The following FANK1 variants were observed in gnomAD, a reference collection of about 807,000 sequenced individuals.
The protein encoded by FANK1 is fibronectin type 3 and ankyrin repeat domains protein 1.
A neutral mutation model predicts 45.3 loss-of-function variants in FANK1; 44 were observed. The observed-to-expected ratio is 0.97, with a 90% CI of 0.76 to 1.25. The LOEUF is 1.25. Ranked by LOEUF, FANK1 falls within the 50% of genes most tolerant of loss-of-function variation. The pLI, the probability that FANK1 is intolerant of heterozygous loss-of-function variation, is 0.00. For synonymous variants in FANK1, 149 were observed against 152.5 expected, an observed-to-expected ratio of 0.98 and a Z score of 0.17; for missense variants, 391 against 424.4, an observed-to-expected ratio of 0.92 and a Z score of 0.69.
At chr10:125,951,331 C>A (rs1182168278) in intron 1 of FANK1, among the ~76,000 whole-genome samples, 1 of 151,552 alleles carries the variant, frequency 6.6e-6, no homozygotes, top group Non-Finnish European at 1.5e-5. Context: ...TTTTATAATA[C>A]CTGTTTAGGA....
At chr10:125,932,765 G>T (rs11244706) in intron 1 of FANK1, among the ~76,000 whole-genome samples, 19,480 of 152,140 alleles carry the variant, frequency 0.13, 1,802 homozygotes, top group Admixed American at 0.31. Context: ...GTGAAATTGG[G>T]CATCCTTGTC....
chr10:125,969,757 G>C (rs1295965188), intron 1 of FANK1, among the ~76,000 whole-genome samples: 2 of 152,126 alleles, frequency 1.3e-5, no homozygotes, highest in Admixed American at 6.5e-5. Flanking sequence ...GGTTTTCCTA[G>C]GCAGAGGACC....
chr10:126,004,660 G>A lies in FANK1; in HGVS notation c.540-224G>A, dbSNP rs187322870. ...CTGGCATCTTTCAGCACAGTGTTTC[G>A]AGGTTCATGCATGTTTGTAGCACTT... On this transcript the variant is annotated intron_variant, in intron 6 of 10. Transcript: ENST00000368693. 786 of 487,710 alleles carry A rather than the reference G, an allele frequency of 1.6e-3. 1 individual carries two copies. Among genetic ancestry groups the A allele is most frequent in the Non-Finnish European group, 2.4e-3 (654 of 269,118 alleles). The allele number at this position is 487,710 out of a possible 1,614,324, so 30.2% of individuals were successfully genotyped here.
chr10:125,970,229 A>G lies in FANK1; in HGVS notation c.14-9932A>G, dbSNP rs927210606. Among the ~76,000 whole-genome samples, 7 of 151,652 alleles carry G rather than the reference A, an allele frequency of 4.6e-5. 1 individual carries two copies. In the South Asian group the frequency reaches 8.3e-4, roughly 18 times the overall value. On this transcript the variant is annotated intron_variant, in intron 1 of 10. Transcript: ENST00000368693. ...GGCAGAGGGGCCCCCCACCCCCCAG[A>G]GGGGGCGGCCAGGCAGAGGCGCCCC...
intron 6 of FANK1, among the ~76,000 whole-genome samples, chr10:126,000,783 A>G (rs1025334899): frequency 6.6e-6 from 1 of 152,208 alleles, no homozygotes; most frequent in East Asian, 1.9e-4. Context: ...ATTAGAGACA[A>G]ATTACCAGCA....
chr10:125,941,905 G>A (rs1179250970), intron 1 of FANK1, among the ~76,000 whole-genome samples: 1 of 152,198 alleles, frequency 6.6e-6, no homozygotes, highest in African/African-American at 2.4e-5. Context: ...GATAATGTAT[G>A]CAAAACTGGT....
intron 1 of FANK1, among the ~76,000 whole-genome samples, chr10:125,944,782 C>T (rs1453235324): frequency 6.6e-6 from 1 of 152,206 alleles, no homozygotes; most frequent in Non-Finnish European, 1.5e-5. Context: ...CCTTCCTTTC[C>T]CATAAGGGAT....
At chr10:125,910,903 A>G (rs1231410322) in intron 1 of FANK1, among the ~76,000 whole-genome samples, 1 of 152,040 alleles carries the variant, frequency 6.6e-6, no homozygotes, top group Non-Finnish European at 1.5e-5. Context: ...GTGTGGTGGC[A>G]TGTGCCTGTA....
At chr10:125,948,197 T>A (rs1437518864) in intron 1 of FANK1, among the ~76,000 whole-genome samples, 1 of 146,438 alleles carries the variant, frequency 6.8e-6, no homozygotes, top group African/African-American at 2.5e-5. Context: ...ACATCACAAT[T>A]AAAAGAACTA....
At chr10:125,997,571 CA>C (rs1421768401) in intron 6 of FANK1, 86 bp downstream of exon 6, 18 of 1,249,330 alleles carry the variant, frequency 1.4e-5, no homozygotes, top group Non-Finnish European at 1.8e-5. Flanking sequence ...GTGATTTCAC[CA>C]AAACATTGTC....
intron 1 of FANK1, among the ~76,000 whole-genome samples, chr10:125,927,446 T>G (rs1292879985): frequency 2.6e-5 from 4 of 152,240 alleles, no homozygotes; most frequent in African/African-American, 9.6e-5. Context: ...TTTATTGTTG[T>G]GTGCATTCAG....
chr10:125,989,985 A>G (rs1397876292), intron 3 of FANK1, among the ~76,000 whole-genome samples: 1 of 151,630 alleles, frequency 6.6e-6, no homozygotes, highest in East Asian at 1.9e-4. Flanking sequence ...GCCACTGCAC[A>G]CTCCCCTACC....
chr10:125,942,859 G>A (rs546994700), intron 1 of FANK1, among the ~76,000 whole-genome samples: 7 of 148,662 alleles, frequency 4.7e-5, no homozygotes, highest in African/African-American at 1.5e-4. Context: ...TGTCACCCAG[G>A]CTAGAGTGCA....
chr10:125,976,119 AT>A lies in FANK1; in HGVS notation c.14-4026del, dbSNP rs34301072. On this transcript the variant is annotated intron_variant, in intron 1 of 10. Transcript: ENST00000368693. ...CAGGATATGAAATTATTGGTTGAAG[AT>A]TTTTTTTTTTTTTTTAAAGAATGTT... Among the ~76,000 whole-genome samples the A allele has an allele frequency of 7.8e-3, 1,141 of 145,496 alleles. 3 individuals carry two copies. The highest frequency in any genetic ancestry group is 0.017 in the African/African-American group (688 of 39,568).
intron 1 of FANK1, among the ~76,000 whole-genome samples, chr10:125,918,659 T>G (rs1386727630): frequency 6.8e-6 from 1 of 146,284 alleles, no homozygotes. Flanking sequence ...CCATTTACCA[T>G]TTGATCACCT....
At chr10:125,906,292 G>GCT (rs1454975166) in intron 1 of FANK1, among the ~76,000 whole-genome samples, 1 of 151,948 alleles carries the variant, frequency 6.6e-6, no homozygotes. Context: ...AAGGTGGGCC[G>GCT]ATCACCTGAG....
chr10:125,939,939 T>A (rs897842855), intron 1 of FANK1, among the ~76,000 whole-genome samples: 5 of 151,578 alleles, frequency 3.3e-5, no homozygotes, highest in African/African-American at 7.3e-5. Flanking sequence ...TTATTATTTT[T>A]TTTTTTTTTG....
At chr10:125,924,226 C>A (rs905824706) in intron 1 of FANK1, among the ~76,000 whole-genome samples, 13 of 149,886 alleles carry the variant, frequency 8.7e-5, no homozygotes, top group African/African-American at 1.5e-4. Flanking sequence ...TTAACTTGTT[C>A]TTTGTCTGAT....
At chr10:125,951,951 A>T (rs543322753) in intron 1 of FANK1, among the ~76,000 whole-genome samples, 1 of 152,288 alleles carries the variant, frequency 6.6e-6, no homozygotes, top group East Asian at 1.9e-4. Flanking sequence ...TATTGATGGG[A>T]TACATGTGGG....
Sources: gnomAD v4.1 joint callset for allele counts (sites outside exome capture counted in the v4.1 genomes callset) on GRCh38, gnomAD v4.1.1 for gene constraint, MANE v1.5 for transcripts, NCBI Gene and HGNC (gene_info 2026-07-23, HGNC 2026-07-21) for gene names.